The following UTRN variants were observed in gnomAD, a reference collection of about 807,000 sequenced individuals.
UTRN encodes dystrophin-related protein 1.
Under a neutral mutation model 463.9 loss-of-function variants are expected in UTRN, and 283 were observed. The observed-to-expected ratio is 0.61, with a 90% CI of 0.55 to 0.67. The LOEUF is 0.67. Ranked by LOEUF, UTRN falls within the 30% of genes least tolerant of loss-of-function variation. The probability of loss-of-function intolerance (pLI) is 0.00; values close to 1 mark genes in which losing one functional copy is unlikely to be tolerated. For synonymous variants in UTRN, 1,442 were observed against 1,431.5 expected (o/e 1.01, Z -0.17); for missense variants, 3,922 against 4,084.3 (o/e 0.96, Z 1.08).
intron 51 of UTRN, among the ~76,000 whole-genome samples, chr6:144,601,363 G>A (rs1343211689): frequency 6.6e-6 from 1 of 152,174 alleles, no homozygotes; most frequent in Non-Finnish European, 1.5e-5. Context: ...TTGATTAATG[G>A]CAGGAGGTCA....
intron 51 of UTRN, among the ~76,000 whole-genome samples, chr6:144,596,884 A>G (rs1803703319): frequency 6.6e-6 from 1 of 152,188 alleles, no homozygotes; most frequent in Admixed American, 6.5e-5. Context: ...AGAACTTGAA[A>G]TGCTTTTGTT....
chr6:144,557,026 C>A, intron 49 of UTRN, 131 bp from the exon 50 acceptor site: 1 of 1,150,898 alleles, frequency 8.7e-7, no homozygotes, highest in Non-Finnish European at 1.2e-6. Context: ...AAAGGGTTTG[C>A]CCCCAGTCTG....
At chr6:144,734,234 G>A (rs1789108658) in intron 54 of UTRN, among the ~76,000 whole-genome samples, 1 of 151,936 alleles carries the variant, frequency 6.6e-6, no homozygotes, top group Non-Finnish European at 1.5e-5. Flanking sequence ...TTTCAAAAAA[G>A]GAAACAAGCC....
intron 65 of UTRN, among the ~76,000 whole-genome samples, chr6:144,819,846 C>T (rs1382669180): frequency 2.0e-5 from 3 of 147,920 alleles, no homozygotes; most frequent in Non-Finnish European, 2.9e-5. Flanking sequence ...AAGAAAGTTT[C>T]TCTCTCCTTC....
chr6:144,349,483 T>A (rs1475239042), intron 2 of UTRN, among the ~76,000 whole-genome samples: 1 of 152,214 alleles, frequency 6.6e-6, no homozygotes, highest in Non-Finnish European at 1.5e-5. Context: ...TTCATGATGT[T>A]ACACATTTTA....
Position 144,368,262 on chromosome 6 carries a change from G to A in UTRN, c.80-34861G>A, listed in dbSNP as rs1779678658. Among the ~76,000 whole-genome samples the A allele has an allele frequency of 2.6e-5, 4 of 152,122 alleles. No individual in the cohort carries two copies. The South Asian group carries it at 8.3e-4, about 31-fold the overall frequency. On this transcript the variant is annotated intron_variant, in intron 2 of 74. Coordinates refer to ENST00000367545, the MANE Select transcript of UTRN (RefSeq NM_007124.3). Reference sequence around the variant, plus strand: ...ATTTCTTCAGTTTCTTTATCCTGCAGTGTGTAGAAGAAAGAAAACTGTGAC... The same window carrying A: ...ATTTCTTCAGTTTCTTTATCCTGCAATGTGTAGAAGAAAGAAAACTGTGAC...
intron 23 of UTRN, among the ~76,000 whole-genome samples, chr6:144,469,086 A>C (rs1790241159): frequency 6.6e-6 from 1 of 151,486 alleles, no homozygotes; most frequent in Non-Finnish European, 1.5e-5. Flanking sequence ...ATTCCTTCCC[A>C]TGAGCTGTAT....
chr6:144,421,561 C>T (rs773224094), intron 3 of UTRN, among the ~76,000 whole-genome samples: 4 of 151,536 alleles, frequency 2.6e-5, no homozygotes, highest in South Asian at 2.1e-4. Flanking sequence ...TGGTGGCGGG[C>T]GCCTGTAGTC....
intron 51 of UTRN, among the ~76,000 whole-genome samples, chr6:144,610,946 T>C (rs1805446461): frequency 6.6e-6 from 1 of 151,852 alleles, no homozygotes; most frequent in South Asian, 2.1e-4. Flanking sequence ...TGAATACAGG[T>C]GAAAAAACCC....
Position 144,824,891 on chromosome 6 carries a change from G to A in UTRN, c.9495-2457G>A, listed in dbSNP as rs964680904. On this transcript the variant is annotated intron_variant, in intron 66 of 74. Transcript: ENST00000367545. ...TCAGTTTGTAAATTAACTTCTGGGT[G>A]AAATTTTCAGCCTCCCAAGAAGCTG... 3.3e-5 allele frequency among the ~76,000 whole-genome samples: 5 copies of A among 151,742 alleles called. No homozygotes were observed. In the South Asian group the frequency reaches 1.0e-3, roughly 32 times the overall value.
Position 144,537,563 on chromosome 6 carries a change from A to T in UTRN, c.6234-19A>T, listed in dbSNP as rs772155674. The T allele has an allele frequency of 8.1e-6, 12 of 1,481,644 alleles. No individual in the cohort carries two copies. In the African/African-American group the frequency reaches 1.6e-4, roughly 20 times the overall value. The allele number at this position is 1,481,644 out of a possible 1,614,324, so 91.8% of individuals were successfully genotyped here. ...TGGACAGTTTTTCCTCAATATTTTT[A>T]AATAATATATTCTTTTAGGCTAAAA... On this transcript the variant is annotated intron_variant, in intron 43 of 74. Transcript: ENST00000367545.
rs570359168 is a variant in UTRN, at chr6:144,727,158, A to T, written c.7810-3199A>T. Among the ~76,000 whole-genome samples the T allele has an allele frequency of 2.0e-5, 3 of 152,310 alleles. No individual in the cohort carries two copies. The South Asian group carries it at 6.2e-4, about 32-fold the overall frequency. On this transcript the variant is annotated intron_variant, in intron 53 of 74. Coordinates refer to ENST00000367545, the MANE Select transcript of UTRN (RefSeq NM_007124.3). ...AAAATATATGCCCCGTAATAGTTTT[A>T]TATTTCCAGAGGGCCAGTTCTGCCT...
In UTRN at chr6:144,792,557, AAG is replaced by A. The variant is rs902040527; in HGVS notation, c.8921-1267_8921-1266del. 3.3e-5 allele frequency among the ~76,000 whole-genome samples: 5 copies of A among 152,258 alleles called. No individual in the cohort carries two copies. The South Asian group carries it at 8.3e-4, about 25-fold the overall frequency. On this transcript the variant is annotated intron_variant, in intron 62 of 74. Transcript: ENST00000367545. ...AGCAACACTCCATCTCAAAAAAAAA[AAG>A]AGAGAGAGAAAATGATGCATTTTGA... is the stretch of plus-strand genomic sequence containing the variant.
intron 53 of UTRN, among the ~76,000 whole-genome samples, chr6:144,725,109 A>G (rs1219025745): frequency 1.3e-5 from 2 of 152,186 alleles, no homozygotes; most frequent in African/African-American, 4.8e-5. Flanking sequence ...GGAGGGACCC[A>G]GTGGGAGGTA....
chr6:144,499,231 T>G, intron 33 of UTRN, 26 bp from the exon 34 acceptor site: 1 of 1,598,712 alleles, frequency 6.3e-7, no homozygotes. Context: ...TCAGTCTCAG[T>G]CTCTCCCTGC....
At chr6:144,795,888 G>C (rs185696742) in intron 63 of UTRN, among the ~76,000 whole-genome samples, 2 of 151,550 alleles carry the variant, frequency 1.3e-5, no homozygotes, top group Non-Finnish European at 3.0e-5. Flanking sequence ...TTGTTTGTTT[G>C]TTTGCTGTGC....
At chr6:144,757,806 G>T in intron 57 of UTRN, 123 bp from the exon 58 acceptor site, 1 of 787,932 alleles carries the variant, frequency 1.3e-6, no homozygotes, top group African/African-American at 1.8e-5. Context: ...CATAATTATA[G>T]GAATCCAGCT....
intron 1 of UTRN, among the ~76,000 whole-genome samples, chr6:144,288,612 T>G (rs1803906708): frequency 6.6e-6 from 1 of 152,070 alleles, no homozygotes; most frequent in Non-Finnish European, 1.5e-5. Context: ...AGTTATGTAC[T>G]TGAATGAAAG....
At chr6:144,444,076 C>A (rs1277657368) in intron 13 of UTRN, among the ~76,000 whole-genome samples, 1 of 152,162 alleles carries the variant, frequency 6.6e-6, no homozygotes, top group African/African-American at 2.4e-5. Context: ...TATGTGAAAT[C>A]ATTTGTTCAA....
Sources: allele counts gnomAD v4.1 joint callset (sites outside exome capture counted in the v4.1 genomes callset), GRCh38; gene constraint gnomAD v4.1.1; transcripts MANE v1.5; gene names NCBI Gene and HGNC (gene_info 2026-07-23, HGNC 2026-07-21).